Variants in TBC1D14 observed in about 807,000 individuals in gnomAD.
The protein encoded by TBC1D14 is TBC1 domain family member 14, also known as TBC1 domain family, member 14.
Under a neutral mutation model 79.0 loss-of-function variants are expected in TBC1D14, and 26 were observed. The ratio of observed to expected loss-of-function variants is 0.33; its 90% CI spans 0.24 to 0.46. The LOEUF is 0.46. Ranked by LOEUF, TBC1D14 falls within the 20% of genes least tolerant of loss-of-function variation. TBC1D14 has a pLI of 1.00. For synonymous variants in TBC1D14, 394 were observed against 349.9 expected, an observed-to-expected ratio of 1.13 and a Z score of -1.40; for missense variants, 769 against 887.6, an observed-to-expected ratio of 0.87 and a Z score of 1.70.
chr4:6,977,890 G>A (rs1276392228), intron 3 of TBC1D14, among the ~76,000 whole-genome samples: 2 of 150,120 alleles, frequency 1.3e-5, no homozygotes, highest in African/African-American at 4.9e-5. Context: ...CCTCTGCCCT[G>A]CCGCCCCGTC....
intron 1 of TBC1D14, among the ~76,000 whole-genome samples, chr4:6,915,860 G>T (rs1723354954): frequency 6.6e-6 from 1 of 151,714 alleles, no homozygotes; most frequent in Admixed American, 6.6e-5. Flanking sequence ...CACGCCTGTA[G>T]TCCCAGCACT....
intron 2 of TBC1D14, among the ~76,000 whole-genome samples, chr4:6,959,828 T>G (rs193001620): frequency 5.9e-5 from 9 of 152,316 alleles, no homozygotes; most frequent in Non-Finnish European, 1.0e-4. Flanking sequence ...TGGCCCGATC[T>G]TGCCAAGTTG....
intron 2 of TBC1D14, among the ~76,000 whole-genome samples, chr4:6,952,476 A>G (rs1232105024): frequency 6.6e-6 from 1 of 152,254 alleles, no homozygotes; most frequent in Non-Finnish European, 1.5e-5. Context: ...CTAGGTGCTC[A>G]GGACCACTCT....
chr4:6,991,761 G>A (rs553740921), intron 3 of TBC1D14, among the ~76,000 whole-genome samples: 21 of 152,208 alleles, frequency 1.4e-4, no homozygotes, highest in Admixed American at 3.3e-4. Flanking sequence ...GGCTGGTGTG[G>A]AGGAGATGGA....
intron 9 of TBC1D14, among the ~76,000 whole-genome samples, chr4:7,009,330 A>G (rs1720519021): frequency 1.3e-5 from 2 of 152,366 alleles, no homozygotes; most frequent in Admixed American, 1.3e-4. Context: ...GCAAGTGGAA[A>G]TGTTAGAGGG....
intron 2 of TBC1D14, among the ~76,000 whole-genome samples, chr4:6,937,410 C>T (rs977857201): frequency 2.6e-5 from 4 of 152,174 alleles, no homozygotes; most frequent in Non-Finnish European, 5.9e-5. Flanking sequence ...ATGACCTAGT[C>T]ACCTCCCAAA....
chr4:7,001,086 A>G, intron 6 of TBC1D14, 59 bp from the exon 7 acceptor site: 1 of 1,470,344 alleles, frequency 6.8e-7, no homozygotes, highest in Non-Finnish European at 9.5e-7. Flanking sequence ...CTAGGCACGC[A>G]GGTAGACAAA....
chr4:6,928,107 C>T (rs1157055898), intron 2 of TBC1D14, among the ~76,000 whole-genome samples: 1 of 152,232 alleles, frequency 6.6e-6, no homozygotes, highest in Non-Finnish European at 1.5e-5. Context: ...TACATCGTCT[C>T]TTGTGTAGCC....
At chr4:6,994,582 C>T (rs1006911261) in intron 4 of TBC1D14, among the ~76,000 whole-genome samples, 16 of 152,306 alleles carry the variant, frequency 1.1e-4, no homozygotes, top group African/African-American at 2.9e-4. Context: ...GGTGCAGTGG[C>T]TCACGCCTGT....
chr4:7,020,142 G>C (rs375660762), intron 12 of TBC1D14, among the ~76,000 whole-genome samples: 1 of 101,248 alleles, frequency 9.9e-6, no homozygotes, highest in Non-Finnish European at 2.1e-5. Flanking sequence ...GCCTTAGGTT[G>C]GGGAGGACTC....
intron 9 of TBC1D14, 46 bp downstream of exon 9, chr4:7,006,772 T>C: frequency 6.4e-7 from 1 of 1,563,778 alleles, no homozygotes. Flanking sequence ...TTGTCTAAAA[T>C]TCATAGATGC....
intron 3 of TBC1D14, among the ~76,000 whole-genome samples, chr4:6,988,400 C>T (rs1718103957): frequency 6.6e-6 from 1 of 152,224 alleles, no homozygotes; most frequent in Non-Finnish European, 1.5e-5. Context: ...GATGAGGAAA[C>T]AGGCTTGTGG....
At chr4:7,016,064 C>T (rs982621891) in intron 12 of TBC1D14, among the ~76,000 whole-genome samples, 3 of 152,308 alleles carry the variant, frequency 2.0e-5, no homozygotes, top group Middle Eastern at 3.4e-3. Flanking sequence ...AGGAAGCTGA[C>T]CCTTAGCTAA....
intron 8 of TBC1D14, 69 bp from the exon 9 acceptor site, chr4:7,006,563 T>G (rs1013882759): frequency 9.7e-6 from 14 of 1,446,194 alleles, no homozygotes; most frequent in Non-Finnish European, 1.3e-5. Flanking sequence ...TTGTAAAACT[T>G]CAAAGGCTCG....
chr4:6,944,845 G>A (rs13111887), intron 2 of TBC1D14, among the ~76,000 whole-genome samples: 11,802 of 152,196 alleles, frequency 0.078, 618 homozygotes, highest in Middle Eastern at 0.16. Context: ...CACTATCCCC[G>A]GGGCAGAGGT....
In TBC1D14 at chr4:7,014,440, CT is replaced by C; in HGVS notation, c.1648-7del. 6.3e-7 allele frequency: 1 copy of C among 1,585,048 alleles called. No individual in the cohort carries two copies. The highest frequency in any genetic ancestry group is 8.7e-7 in the Non-Finnish European group (1 of 1,154,700). ...AGTTTCTGAGTAAATTTCATATTAT[CT>C]CCCTAGATGTTGACTTATTTTGCTG... On this transcript the variant is annotated splice_polypyrimidine_tract_variant and splice_region_variant and intron_variant, in intron 11 of 13. Transcript: ENST00000409757.
At chr4:7,023,703 TG>T (rs1224575463) in intron 12 of TBC1D14, among the ~76,000 whole-genome samples, 2 of 152,162 alleles carry the variant, frequency 1.3e-5, no homozygotes, top group Non-Finnish European at 2.9e-5. Flanking sequence ...GACTTACTGG[TG>T]GTGAGACCTG....
Position 6,996,375 on chromosome 4 carries a change from A to T in TBC1D14, c.1013A>T (p.Tyr338Phe). The T allele has an allele frequency of 6.2e-7, 1 of 1,613,884 alleles. No homozygotes were observed. Among genetic ancestry groups the T allele is most frequent in the South Asian group, 1.1e-5 (1 of 91,068 alleles). ...AEEAQKHRQQYEEMVVQAKKR... is the reference protein window; with the variant it reads ...AEEAQKHRQQFEEMVVQAKKR... Reference sequence around the variant, plus strand: ...GAAGCTCAGAAGCACAGACAGCAGTATGAAGAAATGGTGGTTCAGGCCAAA... The same window carrying T: ...GAAGCTCAGAAGCACAGACAGCAGTTTGAAGAAATGGTGGTTCAGGCCAAA... Residue 338 changes from tyrosine (Y) to phenylalanine (F), a missense_variant, in exon 5 of 14, where the codon TAT (tyrosine) becomes TTT (phenylalanine). Tyr to Phe is a conservative substitution (Grantham distance 22). This residue lies in a region of TBC1D14 where 367 missense variants were observed against 494.4 expected (regional missense o/e 0.74). Coordinates refer to ENST00000409757, the MANE Select transcript of TBC1D14 (RefSeq NM_020773.3).
intron 2 of TBC1D14, chr4:6,954,474 C>T (rs1425979537): frequency 4.3e-6 from 3 of 695,246 alleles, no homozygotes; most frequent in East Asian, 2.7e-5. Flanking sequence ...TGGGTCTCCC[C>T]CGGTGTGAAA....
Sources: allele counts gnomAD v4.1 joint callset (sites outside exome capture counted in the v4.1 genomes callset), GRCh38; gene constraint gnomAD v4.1.1; regional missense constraint gnomAD v4.1.1; transcripts MANE v1.5; gene names NCBI Gene and HGNC (gene_info 2026-07-23, HGNC 2026-07-21).